The following CALN1 variants were observed in gnomAD, a reference collection of about 807,000 sequenced individuals.
CALN1 encodes calneuron 1, also known as calcium-binding protein 8.
Under a neutral mutation model 30.6 loss-of-function variants are expected in CALN1, and 17 were observed. That is an observed-to-expected ratio of 0.56 (90% CI 0.38 to 0.83). The LOEUF (loss-of-function observed/expected upper bound fraction) is 0.83, where lower values mean the gene tolerates loss of function less well. CALN1 is among the 40% of genes least tolerant of loss of function. The pLI, the probability that CALN1 is intolerant of heterozygous loss-of-function variation, is 0.00. For missense variants in CALN1, 291 were observed against 354.9 expected, an observed-to-expected ratio of 0.82 and a Z score of 1.45; for synonymous variants, 156 against 131.4, an observed-to-expected ratio of 1.19 and a Z score of -1.28.
At chr7:71,801,565 A>C (rs1027376594) in intron 6 of CALN1, among the ~76,000 whole-genome samples, 2 of 152,074 alleles carry the variant, frequency 1.3e-5, no homozygotes, top group African/African-American at 4.8e-5. Context: ...GTGGAGCCTC[A>C]GTTTCCTCAT....
In CALN1 at chr7:71,850,869, A is replaced by C. The variant is rs113370491; in HGVS notation, c.502-40377T>G. 6.1e-5 allele frequency among the ~76,000 whole-genome samples: 6 copies of C among 98,386 alleles called. No homozygotes were observed. In the South Asian group the frequency reaches 1.9e-3, roughly 32 times the overall value. The allele number at this position is 98,386 out of a possible 152,430, so 64.5% of individuals were successfully genotyped here. ...TTGACACATAGTGAGTACTCAATAC[A>C]TATTTGAAATGAATGAAAAAACAGA... is the stretch of plus-strand genomic sequence containing the variant. On this transcript the variant is annotated intron_variant, in intron 5 of 6. Coordinates refer to ENST00000395275, the MANE Select transcript of CALN1 (RefSeq NM_031468.4).
chr7:71,892,686 A>C (rs1432240571), intron 5 of CALN1, among the ~76,000 whole-genome samples: 1 of 152,178 alleles, frequency 6.6e-6, no homozygotes, highest in East Asian at 1.9e-4. Context: ...TTCTTGTGTG[A>C]CTTTCAATTT....
chr7:72,476,727 C>G, the CALN1 span, among the ~76,000 whole-genome samples: 1 of 152,200 alleles, frequency 6.6e-6, no homozygotes, highest in African/African-American at 2.4e-5. Context: ...TTCATTCATG[C>G]ATTCCACACA....
intron 2 of CALN1, among the ~76,000 whole-genome samples, chr7:72,360,644 T>A (rs1390737006): frequency 6.7e-5 from 10 of 148,312 alleles, no homozygotes; most frequent in Non-Finnish European, 1.3e-4. Flanking sequence ...AGGGTACACG[T>A]GCACAACGTG....
chr7:72,408,711 C>CT (rs1346187560), intron 1 of CALN1, among the ~76,000 whole-genome samples: 1 of 92,228 alleles, frequency 1.1e-5, no homozygotes, highest in East Asian at 3.9e-4. Context: ...GGGTTGCACT[C>CT]TGTCACCCAG....
At chr7:72,068,956 A>C (rs1237149992) in intron 4 of CALN1, among the ~76,000 whole-genome samples, 8 of 152,166 alleles carry the variant, frequency 5.3e-5, no homozygotes, top group African/African-American at 1.9e-4. Flanking sequence ...CGGTGGAAAA[A>C]CTGGAGGAAA....
intron 4 of CALN1, among the ~76,000 whole-genome samples, chr7:72,030,215 T>C (rs1454012862): frequency 1.3e-5 from 2 of 151,230 alleles, no homozygotes; most frequent in South Asian, 2.1e-4. Flanking sequence ...TCTTTTCTCA[T>C]GCACTCTCTT....
intron 4 of CALN1, among the ~76,000 whole-genome samples, chr7:72,056,947 T>C (rs1454219599): frequency 6.6e-6 from 1 of 152,070 alleles, no homozygotes; most frequent in Non-Finnish European, 1.5e-5. Context: ...TGTTGTTGTT[T>C]TGTTTGTTTT....
chr7:72,042,333 C>T (rs1201677096), intron 4 of CALN1, among the ~76,000 whole-genome samples: 1 of 152,134 alleles, frequency 6.6e-6, no homozygotes, highest in African/African-American at 2.4e-5. Flanking sequence ...AAGAATACAA[C>T]ACACAATCTT....
chr7:72,164,923 G>A (rs1321044012), intron 3 of CALN1, among the ~76,000 whole-genome samples: 1 of 149,028 alleles, frequency 6.7e-6, no homozygotes, highest in Non-Finnish European at 1.5e-5. Context: ...TCAGACTCCC[G>A]GCCTCAAGGG....
At chr7:71,851,208 AACACACACACACACACACACACAC>A (rs56041427) in intron 5 of CALN1, among the ~76,000 whole-genome samples, 1 of 132,098 alleles carries the variant, frequency 7.6e-6, no homozygotes, top group Non-Finnish European at 1.6e-5. Flanking sequence ...CCTTGTCTCA[AACACACACACACACACACACACAC>A]ACACACACAC....
intron 1 of CALN1, among the ~76,000 whole-genome samples, chr7:72,422,198 CT>C (rs1807634002): frequency 6.6e-6 from 1 of 152,172 alleles, no homozygotes. Context: ...TTTAAGGAAT[CT>C]CCATACTGTT....
At chr7:72,189,213 T>C (rs1484999064) in intron 3 of CALN1, among the ~76,000 whole-genome samples, 1 of 152,224 alleles carries the variant, frequency 6.6e-6, no homozygotes, top group Non-Finnish European at 1.5e-5. Context: ...GACATGCTTA[T>C]GGGTGTTCTG....
At chr7:71,922,133 C>T (rs187170599) in intron 5 of CALN1, among the ~76,000 whole-genome samples, 1 of 152,198 alleles carries the variant, frequency 6.6e-6, no homozygotes, top group African/African-American at 2.4e-5. Flanking sequence ...CAGGTATGGT[C>T]ACAAATGGAG....
chr7:72,048,177 G>A (rs1466705735), intron 4 of CALN1, among the ~76,000 whole-genome samples: 1 of 151,758 alleles, frequency 6.6e-6, no homozygotes, highest in Non-Finnish European at 1.5e-5. Flanking sequence ...GTAGCTGGGA[G>A]TACAGGTGTA....
At chr7:72,075,584 G>A (rs1804675309) in intron 4 of CALN1, among the ~76,000 whole-genome samples, 1 of 152,168 alleles carries the variant, frequency 6.6e-6, no homozygotes, top group Admixed American at 6.5e-5. Context: ...CACTTTGTGG[G>A]AAATTAATGC....
chr7:72,268,805 AC>A (rs1796765563), intron 3 of CALN1, among the ~76,000 whole-genome samples: 2 of 151,812 alleles, frequency 1.3e-5, no homozygotes, highest in East Asian at 1.9e-4. Flanking sequence ...ACACACACAC[AC>A]ACACACACAC....
chr7:72,355,215 G>C (rs1001507723), intron 2 of CALN1, among the ~76,000 whole-genome samples: 1 of 152,152 alleles, frequency 6.6e-6, no homozygotes, highest in Admixed American at 6.5e-5. Flanking sequence ...GCCAAAAACT[G>C]CTTAACGAGG....
At chr7:72,327,136 C>T (rs1191416450) in intron 2 of CALN1, among the ~76,000 whole-genome samples, 1 of 152,200 alleles carries the variant, frequency 6.6e-6, no homozygotes, top group Non-Finnish European at 1.5e-5. Flanking sequence ...GATGAGACCA[C>T]AAGGTCAACT....
Sources: gnomAD v4.1 joint callset for allele counts (sites outside exome capture counted in the v4.1 genomes callset) on GRCh38, gnomAD v4.1.1 for gene constraint, MANE v1.5 for transcripts, NCBI Gene and HGNC (gene_info 2026-07-23, HGNC 2026-07-21) for gene names.